Variants in CNTNAP2 observed in about 807,000 individuals in gnomAD.
CNTNAP2 encodes the protein contactin associated protein 2.
CNTNAP2 carries 98 observed loss-of-function variants against 155.2 expected under a neutral mutation model. The observed-to-expected ratio is 0.63, with a 90% confidence interval of 0.54 to 0.75. The LOEUF (loss-of-function observed/expected upper bound fraction) is 0.75. Ranked by LOEUF, CNTNAP2 falls within the 30% of genes least tolerant of loss-of-function variation. The pLI is 0.00. For synonymous variants in CNTNAP2, 651 were observed against 631.2 expected (o/e 1.03, Z -0.47); for missense variants, 1,727 against 1,688.1 (o/e 1.02, Z -0.40).
chr7:147,972,861 A>G (rs966304538), intron 14 of CNTNAP2, among the ~76,000 whole-genome samples: 1 of 152,162 alleles, frequency 6.6e-6, no homozygotes, highest in African/African-American at 2.4e-5. Context: ...GATGGACAAC[A>G]TAAAGGTATT....
intron 3 of CNTNAP2, among the ~76,000 whole-genome samples, chr7:146,919,862 C>T (rs1313924293): frequency 6.6e-6 from 1 of 152,082 alleles, no homozygotes; most frequent in Non-Finnish European, 1.5e-5. Flanking sequence ...CTGGTATGTT[C>T]CTGCAGTAGT....
At chr7:146,622,214 C>T (rs2372619) in intron 1 of CNTNAP2, among the ~76,000 whole-genome samples, 6 of 143,290 alleles carry the variant, frequency 4.2e-5, no homozygotes, top group South Asian at 2.2e-4. Context: ...CACATATACA[C>T]GTGTGTGTGT....
At chr7:147,628,809 G>C (rs778765877) in intron 12 of CNTNAP2, among the ~76,000 whole-genome samples, 1 of 141,798 alleles carries the variant, frequency 7.1e-6, no homozygotes, top group African/African-American at 2.6e-5. Context: ...GAAACCAAAA[G>C]CAAGCAGCAG....
intron 2 of CNTNAP2, among the ~76,000 whole-genome samples, chr7:146,831,669 CAAAAAAAAAAAA>C (rs531970313): frequency 3.0e-4 from 5 of 16,820 alleles, no homozygotes; most frequent in South Asian, 2.6e-3. Flanking sequence ...AGCAAGACGC[CAAAAAAAAAAAA>C]AAAAAAAAAA....
At chr7:147,158,955 A>G (rs1801976241) in intron 8 of CNTNAP2, among the ~76,000 whole-genome samples, 2 of 152,138 alleles carry the variant, frequency 1.3e-5, no homozygotes, top group Non-Finnish European at 2.9e-5. Flanking sequence ...TTTTATGTAT[A>G]AAGGAAAGAG....
At position 147,017,699 on chromosome 7, in the gene CNTNAP2, C is replaced by G. The variant is rs1271067354; in HGVS notation, c.403-26208C>G. On this transcript the variant is annotated intron_variant, in intron 3 of 23. Transcript: ENST00000361727. ...AACAACTCTTTTTACAATACACTCTCAAGTCTAAATTTCAAAATGTTAAAA... is the reference window on the plus strand; with the variant it reads ...AACAACTCTTTTTACAATACACTCTGAAGTCTAAATTTCAAAATGTTAAAA... 5.9e-5 allele frequency among the ~76,000 whole-genome samples: 9 copies of G among 151,270 alleles called. No individual in the cohort carries two copies. The East Asian group carries it at 9.8e-4, about 17-fold the overall frequency.
intron 13 of CNTNAP2, among the ~76,000 whole-genome samples, chr7:147,884,479 T>C (rs1260682941): frequency 7.5e-6 from 1 of 133,888 alleles, no homozygotes; most frequent in Non-Finnish European, 1.6e-5. Context: ...CAAACTGATA[T>C]CATTTGCCTC....
rs1242946638 is a variant in CNTNAP2 at position 147,627,710 on chromosome 7, AAAAAG to A, written c.1898-11394_1898-11390del. Among the ~76,000 whole-genome samples the A allele has an allele frequency of 6.8e-4, 101 of 149,406 alleles. 1 individual carries two copies. Among genetic ancestry groups the A allele is most frequent in the African/African-American group, 2.4e-3 (97 of 40,034 alleles). ...CTGTCTCAAAAAAAAAAAAAAAAAA[AAAAAG>A]ATATTAAAACAAAATACAGGATATG... On this transcript the variant is annotated intron_variant, in intron 12 of 23. Transcript: ENST00000361727.
intron 15 of CNTNAP2, among the ~76,000 whole-genome samples, chr7:148,012,300 T>G (rs1020125557): frequency 6.6e-6 from 1 of 152,238 alleles, no homozygotes; most frequent in Non-Finnish European, 1.5e-5. Context: ...CACTTGTTAA[T>G]TTTTATGCAG....
chr7:146,339,517 T>C (rs1309857954), intron 1 of CNTNAP2, among the ~76,000 whole-genome samples: 2 of 152,198 alleles, frequency 1.3e-5, no homozygotes, highest in Non-Finnish European at 2.9e-5. Context: ...AATAGTTACA[T>C]GAATGTTGAA....
At chr7:146,881,053 T>A (rs1241721983) in intron 3 of CNTNAP2, among the ~76,000 whole-genome samples, 1 of 152,172 alleles carries the variant, frequency 6.6e-6, no homozygotes, top group Non-Finnish European at 1.5e-5. Flanking sequence ...CAAGTAATTA[T>A]TGGCATTGAG....
rs143213599 is a variant in CNTNAP2, at chr7:148,013,790, T to C, written c.2383+35801T>C. Among the ~76,000 whole-genome samples, 5 of 152,274 alleles carry C rather than the reference T, an allele frequency of 3.3e-5. No individual in the cohort carries two copies. The East Asian group carries it at 9.6e-4, about 29-fold the overall frequency. On this transcript the variant is annotated intron_variant, in intron 15 of 23. Coordinates refer to ENST00000361727, the MANE Select transcript of CNTNAP2 (RefSeq NM_014141.6). The stretch of plus-strand genomic sequence containing the variant: ...TGATGTGGACAGCAAATAAGTTTGA[T>C]GGTATTGTTTGTCATAAAGTTAAGT...
chr7:146,645,337 T>C (rs1022210523), intron 1 of CNTNAP2, among the ~76,000 whole-genome samples: 3 of 152,130 alleles, frequency 2.0e-5, no homozygotes, highest in Non-Finnish European at 4.4e-5. Flanking sequence ...GATCATTGCA[T>C]GGGGGCTGGA....
chr7:146,616,989 AAAGT>A (rs1472066162), intron 1 of CNTNAP2, among the ~76,000 whole-genome samples: 1 of 151,318 alleles, frequency 6.6e-6, no homozygotes, highest in Non-Finnish European at 1.5e-5. Context: ...TGTAATAGAA[AAAGT>A]GTGTATTCCA....
At chr7:146,211,408 A>G (rs532743051) in intron 1 of CNTNAP2, among the ~76,000 whole-genome samples, 1 of 152,348 alleles carries the variant, frequency 6.6e-6, no homozygotes, top group East Asian at 1.9e-4. Context: ...AATTACCATT[A>G]CCAAGCAAAA....
intron 10 of CNTNAP2, among the ~76,000 whole-genome samples, chr7:147,461,333 A>G (rs1313360283): frequency 6.6e-6 from 1 of 152,066 alleles, no homozygotes; most frequent in Non-Finnish European, 1.5e-5. Flanking sequence ...GAGAAAAAAA[A>G]TGGTTTCAAA....
chr7:146,544,489 T>C (rs182842060), intron 1 of CNTNAP2, among the ~76,000 whole-genome samples: 22 of 152,124 alleles, frequency 1.4e-4, no homozygotes. Flanking sequence ...ATGATAACAC[T>C]ATTTTGATTG....
intron 15 of CNTNAP2, among the ~76,000 whole-genome samples, chr7:148,013,739 C>T (rs1802123567): frequency 6.6e-6 from 1 of 152,136 alleles, no homozygotes; most frequent in Admixed American, 6.5e-5. Flanking sequence ...GTAGGACTTG[C>T]TATTGATTAC....
intron 12 of CNTNAP2, among the ~76,000 whole-genome samples, chr7:147,630,316 TAAAAAAAAAAAAA>T (rs71183024): frequency 1.4e-5 from 1 of 73,078 alleles, no homozygotes; most frequent in Non-Finnish European, 2.9e-5. Context: ...GAAACAGTAG[TAAAAAAAAAAAAA>T]AAAAAAAAAA....
Sources: allele counts gnomAD v4.1 joint callset (sites outside exome capture counted in the v4.1 genomes callset), GRCh38; gene constraint gnomAD v4.1.1; transcripts MANE v1.5; gene names NCBI Gene and HGNC (gene_info 2026-07-23, HGNC 2026-07-21).